The following GPLD1 variants were observed in gnomAD, a reference collection of about 807,000 sequenced individuals.
The protein encoded by GPLD1 is phosphatidylinositol-glycan-specific phospholipase D.
GPLD1 carries 84 observed loss-of-function variants against 112.6 expected under a neutral mutation model. The ratio of observed to expected loss-of-function variants is 0.75; its 90% CI spans 0.63 to 0.89. The LOEUF is 0.89. Ranked by LOEUF, GPLD1 falls within the 40% of genes least tolerant of loss-of-function variation. The probability of loss-of-function intolerance (pLI) is 0.00; values close to 1 mark genes in which losing one functional copy is unlikely to be tolerated. For missense variants in GPLD1, 1,044 were observed against 1,051.5 expected, an observed-to-expected ratio of 0.99 and a Z score of 0.10; for synonymous variants, 386 against 403.8, an observed-to-expected ratio of 0.96 and a Z score of 0.53.
intron 24 of GPLD1, among the ~76,000 whole-genome samples, chr6:24,431,569 C>T (rs1341652535): frequency 1.3e-5 from 2 of 149,476 alleles, no homozygotes; most frequent in East Asian, 3.9e-4. Context: ...GAGTCTTGCT[C>T]CATCACCCAG....
intron 20 of GPLD1, among the ~76,000 whole-genome samples, chr6:24,438,884 T>G (rs937848264): frequency 1.3e-5 from 2 of 152,096 alleles, no homozygotes; most frequent in African/African-American, 4.8e-5. Context: ...CTTCCTGGGT[T>G]CAAGCGATTC....
At chr6:24,450,215 A>G (rs1763038254) in intron 14 of GPLD1, among the ~76,000 whole-genome samples, 1 of 152,208 alleles carries the variant, frequency 6.6e-6, no homozygotes, top group South Asian at 2.1e-4. Context: ...CTTATCTTCG[A>G]AAGTATCTAA....
At position 24,437,230 on chromosome 6, in the gene GPLD1, T is replaced by C. The variant is rs1042303; in HGVS notation, c.2080A>G (p.Met694Val). ...TGCGCGTCAGATGTGAGTGCGTACATGCGAGTGGCTCCGCCTTGGTGTAGG... is the reference window on the plus strand; with the variant it reads ...TGCGCGTCAGATGTGAGTGCGTACACGCGAGTGGCTCCGCCTTGGTGTAGG... ...VTLHQGGATR[M>V]YALTSDAQPL... The change falls in exon 21 of 25, where the codon ATG becomes GTG. Residue 694 changes from methionine (M) to valine (V), a missense_variant. Transcript: ENST00000230036. 0.42 allele frequency: 677,633 copies of C among 1,613,534 alleles called. 146,462 individuals are homozygous for C. The highest frequency in any genetic ancestry group is 0.45 in the Non-Finnish European group (528,393 of 1,179,528).
chr6:24,459,259 T>G (rs1210864370), intron 12 of GPLD1, among the ~76,000 whole-genome samples: 6 of 150,078 alleles, frequency 4.0e-5, no homozygotes, highest in African/African-American at 1.5e-4. Flanking sequence ...ATTTTTTTTT[T>G]GTTTTGTTTT....
chr6:24,473,781 C>G, intron 5 of GPLD1, 114 bp from the exon 6 acceptor site: 1 of 606,322 alleles, frequency 1.6e-6, no homozygotes, highest in Non-Finnish European at 3.0e-6. Context: ...CTGCTGAGGA[C>G]GCATAATAGA....
At chr6:24,464,005 C>T (rs1203209983) in intron 10 of GPLD1, among the ~76,000 whole-genome samples, 1 of 152,180 alleles carries the variant, frequency 6.6e-6, no homozygotes, top group African/African-American at 2.4e-5. Context: ...GTCCAGCTAT[C>T]TTTCCTTAGC....
chr6:24,482,377 T>C (rs971268755), intron 2 of GPLD1, among the ~76,000 whole-genome samples: 1 of 152,020 alleles, frequency 6.6e-6, no homozygotes, highest in Non-Finnish European at 1.5e-5. Context: ...ACCTCCCAGG[T>C]TCAAGTGATT....
intron 20 of GPLD1, among the ~76,000 whole-genome samples, chr6:24,442,283 T>C (rs962741956): frequency 6.6e-6 from 1 of 151,256 alleles, no homozygotes; most frequent in Non-Finnish European, 1.5e-5. Flanking sequence ...TCACTATGCC[T>C]ACCTTTTTTT....
intron 14 of GPLD1, among the ~76,000 whole-genome samples, chr6:24,451,431 T>C (rs935314244): frequency 5.3e-5 from 8 of 152,258 alleles, no homozygotes; most frequent in African/African-American, 1.2e-4. Context: ...CTCCGCCTCC[T>C]GGGTTCAAGC....
In GPLD1 at chr6:24,466,833, A is replaced by G. The variant is rs1406027516; in HGVS notation, c.682-14T>C. Reference sequence around the variant, plus strand: ...AGTGGGATATAACTATGGCAGAGAGAAAGAAAAAATAAAATGAATATGGTA... The same window carrying G: ...AGTGGGATATAACTATGGCAGAGAGGAAGAAAAAATAAAATGAATATGGTA... On this transcript the variant is annotated splice_polypyrimidine_tract_variant and intron_variant, in intron 9 of 24. Coordinates refer to ENST00000230036, the MANE Select transcript of GPLD1 (RefSeq NM_001503.4). The G allele has an allele frequency of 3.0e-5, 22 of 726,652 alleles. No individual in the cohort carries two copies. Among genetic ancestry groups the G allele is most frequent in the Non-Finnish European group, 4.1e-6 (2 of 490,092 alleles). 45.0% of individuals were successfully genotyped at this position (726,652 alleles called of 1,614,324 possible).
rs1226137488 is a variant in GPLD1, at chr6:24,473,729, A to G, written c.442-62T>C. On this transcript the variant is annotated intron_variant, in intron 5 of 24. Transcript: ENST00000230036. ...AATTGTAGCCCCAACTCTTACTTCCACAGTCAAGCAAGTGGTGGGAGATGA... is the reference window on the plus strand; with the variant it reads ...AATTGTAGCCCCAACTCTTACTTCCGCAGTCAAGCAAGTGGTGGGAGATGA... 1.1e-5 allele frequency: 12 copies of G among 1,108,006 alleles called. No individual in the cohort carries two copies. In the East Asian group the frequency reaches 1.9e-4, roughly 18 times the overall value. 68.6% of individuals were successfully genotyped at this position (1,108,006 alleles called of 1,614,324 possible). A position where few individuals can be genotyped will look rare whatever the true frequency, so the allele number is the denominator to read the frequency against.
At chr6:24,490,429 G>T (rs1764524322), upstream of GPLD1, among the ~76,000 whole-genome samples, 1 of 152,132 alleles carries the variant, frequency 6.6e-6, no homozygotes, top group Non-Finnish European at 1.5e-5. Flanking sequence ...TTCACTTCAG[G>T]TTTGCCAAAT....
At chr6:24,423,994 A>G (rs934889295), downstream of GPLD1, 2 of 173,312 alleles carry the variant, frequency 1.2e-5, no homozygotes, top group African/African-American at 4.8e-5. Flanking sequence ...TTTAATTTAT[A>G]CATATCAAGA....
At chr6:24,441,616 G>A (rs9461012) in intron 20 of GPLD1, among the ~76,000 whole-genome samples, 34,021 of 152,188 alleles carry the variant, frequency 0.22, 4,011 homozygotes, top group Non-Finnish European at 0.25. Context: ...TAGGAAATGA[G>A]GAAAGTTGTG....
At chr6:24,435,846 A>AAAAAAAAAAAAAAAAAAAAAAAAAAAC (rs1762562320) in intron 22 of GPLD1, 1 of 148,732 alleles carries the variant, frequency 6.7e-6, no homozygotes, top group Non-Finnish European at 1.5e-5. Context: ...AAAAAAAAAA[A>AAAAAAAAAAAAAAAAAAAAAAAAAAAC]AGTTAAATAA....
In GPLD1 at chr6:24,428,538, T is replaced by C. The variant is rs1396335608; in HGVS notation, c.*494A>G. The C allele has an allele frequency of 2.6e-5, 4 of 152,330 alleles. No individual in the cohort carries two copies. Among genetic ancestry groups the C allele is most frequent in the African/African-American group, 9.7e-5 (4 of 41,442 alleles). The allele number at this position is 152,330 out of a possible 1,614,324, so 9.4% of individuals were successfully genotyped here. On this transcript the variant is annotated 3_prime_UTR_variant, in exon 25 of 25. Transcript: ENST00000230036. ...TGAAGGATAATGGCCTCCAGCTCCA[T>C]CCATGTCCCTGCAAAGGGCATGATC...
chr6:24,426,443 A>G lies in GPLD1; in HGVS notation c.*2589T>C, dbSNP rs571719333. 6.6e-6 allele frequency among the ~76,000 whole-genome samples: 1 copy of G among 150,402 alleles called. No individual in the cohort carries two copies. Among genetic ancestry groups the G allele is most frequent in the African/African-American group, 2.4e-5 (1 of 40,896 alleles). On this transcript the variant is annotated 3_prime_UTR_variant, in exon 25 of 25. Coordinates refer to ENST00000230036, the MANE Select transcript of GPLD1 (RefSeq NM_001503.4). ...GAGTATAATTTACATTGTTTTTGAC[A>G]TTGGGGTTAGTATGGTTAAATGTCC...
chr6:24,426,323 G>C lies in GPLD1; in HGVS notation c.*2709C>G, dbSNP rs1265175221. On this transcript the variant is annotated 3_prime_UTR_variant, in exon 25 of 25. Coordinates refer to ENST00000230036, the MANE Select transcript of GPLD1 (RefSeq NM_001503.4). ...TTAGTGGAAAGAAAATTTAATCCAT[G>C]TATCAGGATAATATATTAGACTGTC... 3.9e-5 allele frequency: 6 copies of C among 152,164 alleles called. No homozygotes were observed. Among genetic ancestry groups the C allele is most frequent in the Admixed American group, 3.9e-4 (6 of 15,260 alleles). The allele number at this position is 152,164 out of a possible 1,614,324, so 9.4% of individuals were successfully genotyped here.
rs894826766 is a variant in GPLD1 at position 24,426,829 on chromosome 6, C to G, written c.*2203G>C. Among the ~76,000 whole-genome samples, 1 of 152,172 alleles carries G rather than the reference C, an allele frequency of 6.6e-6. No individual in the cohort carries two copies. The highest frequency in any genetic ancestry group is 1.5e-5 in the Non-Finnish European group (1 of 68,026). On this transcript the variant is annotated 3_prime_UTR_variant, in exon 25 of 25. Coordinates refer to ENST00000230036, the MANE Select transcript of GPLD1 (RefSeq NM_001503.4). ...TGGGCTACCAATAATTGTCCCTAAA[C>G]AAAACCAAATGGCGCTTCCTTGTGC...
Sources: gnomAD v4.1 joint callset for allele counts (sites outside exome capture counted in the v4.1 genomes callset) on GRCh38, gnomAD v4.1.1 for gene constraint, MANE v1.5 for transcripts, NCBI Gene and HGNC (gene_info 2026-07-23, HGNC 2026-07-21) for gene names.